ZFAND3: variants seen among roughly 807,000 people sequenced by gnomAD.
ZFAND3 encodes the protein AN1-type zinc finger protein 3.
Under a neutral mutation model 29.6 loss-of-function variants are expected in ZFAND3, and 10 were observed. The observed-to-expected ratio is 0.34, with a 90% CI of 0.21 to 0.57. The LOEUF is 0.57. ZFAND3 is among the 20% of genes least tolerant of loss of function. ZFAND3 has a pLI of 0.86. For synonymous variants in ZFAND3, 128 were observed against 112.6 expected (o/e 1.14, Z -0.87); for missense variants, 230 against 304.5 (o/e 0.76, Z 1.82).
chr6:37,847,275 C>A (rs1457776317), intron 1 of ZFAND3, among the ~76,000 whole-genome samples: 1 of 151,844 alleles, frequency 6.6e-6, no homozygotes, highest in African/African-American at 2.4e-5. Flanking sequence ...AACAAGTGCC[C>A]CCAAAAACCT....
intron 2 of ZFAND3, among the ~76,000 whole-genome samples, chr6:38,043,399 C>T (rs1168789216): frequency 6.7e-6 from 1 of 149,584 alleles, no homozygotes; most frequent in African/African-American, 2.5e-5. Context: ...CCTCTGCTCC[C>T]CTTCCCTCTC....
At chr6:37,958,139 T>C (rs944459806) in intron 2 of ZFAND3, among the ~76,000 whole-genome samples, 1 of 152,178 alleles carries the variant, frequency 6.6e-6, no homozygotes, top group African/African-American at 2.4e-5. Flanking sequence ...AAATTTTCAG[T>C]ACAAAAATAT....
At chr6:37,996,308 A>G (rs72850883) in intron 2 of ZFAND3, among the ~76,000 whole-genome samples, 1,773 of 152,286 alleles carry the variant, frequency 0.012, 13 homozygotes, top group Middle Eastern at 0.031. Context: ...TTATCTGATC[A>G]ACACATATAT....
At chr6:38,001,198 A>C (rs1345153861) in intron 2 of ZFAND3, among the ~76,000 whole-genome samples, 1 of 152,192 alleles carries the variant, frequency 6.6e-6, no homozygotes, top group Non-Finnish European at 1.5e-5. Flanking sequence ...CATTCTTTTA[A>C]ATAAGTTACT....
intron 3 of ZFAND3, among the ~76,000 whole-genome samples, chr6:38,062,913 CTT>C (rs1764270082): frequency 6.6e-6 from 1 of 150,554 alleles, no homozygotes; most frequent in Non-Finnish European, 1.5e-5. Flanking sequence ...TGGTGAGACT[CTT>C]GTCTCTACCA....
chr6:38,020,669 C>T (rs1050394448), intron 2 of ZFAND3, among the ~76,000 whole-genome samples: 1 of 152,196 alleles, frequency 6.6e-6, no homozygotes, highest in Non-Finnish European at 1.5e-5. Context: ...CTCCCCATTA[C>T]ACAGCCTGAT....
chr6:37,955,201 T>A (rs1762066701), intron 2 of ZFAND3, among the ~76,000 whole-genome samples: 1 of 152,062 alleles, frequency 6.6e-6, no homozygotes, highest in Non-Finnish European at 1.5e-5. Context: ...CCTTATCTAG[T>A]GTATTGAAAA....
intron 1 of ZFAND3, among the ~76,000 whole-genome samples, chr6:37,880,889 A>G (rs1764880497): frequency 6.7e-6 from 1 of 148,338 alleles, no homozygotes; most frequent in Non-Finnish European, 1.5e-5. Flanking sequence ...GAGGGATAGC[A>G]TTGGGAGATA....
intron 2 of ZFAND3, among the ~76,000 whole-genome samples, chr6:38,000,705 G>A (rs968914927): frequency 1.3e-5 from 2 of 152,036 alleles, no homozygotes; most frequent in African/African-American, 4.8e-5. Flanking sequence ...TTAGATCAAG[G>A]ATGCTAAACT....
intron 2 of ZFAND3, among the ~76,000 whole-genome samples, chr6:37,989,973 G>A (rs1035139297): frequency 6.6e-6 from 1 of 152,150 alleles, no homozygotes; most frequent in Non-Finnish European, 1.5e-5. Flanking sequence ...ATACCATAAC[G>A]GAGACGAGCC....
At chr6:38,095,790 G>T (rs1001968130) in intron 4 of ZFAND3, among the ~76,000 whole-genome samples, 1 of 152,124 alleles carries the variant, frequency 6.6e-6, no homozygotes, top group South Asian at 2.1e-4. Flanking sequence ...CCAGCACTTT[G>T]GGAGGTGGAG....
chr6:38,076,365 TTTA>T (rs1396843847), intron 3 of ZFAND3, among the ~76,000 whole-genome samples: 1 of 151,974 alleles, frequency 6.6e-6, no homozygotes, highest in East Asian at 1.9e-4. Context: ...CCATATTTGC[TTTA>T]TTACAGTGGT....
intron 4 of ZFAND3, among the ~76,000 whole-genome samples, chr6:38,113,037 C>T (rs188576859): frequency 1.3e-5 from 2 of 152,154 alleles, no homozygotes; most frequent in African/African-American, 4.8e-5. Context: ...TTTACCCTCG[C>T]TCTTGGTGGC....
intron 1 of ZFAND3, among the ~76,000 whole-genome samples, chr6:37,920,625 G>C (rs1316233345): frequency 2.6e-5 from 4 of 152,132 alleles, no homozygotes; most frequent in Non-Finnish European, 5.9e-5. Context: ...AATCTAAATT[G>C]TTACATTAAA....
chr6:37,847,523 G>A (rs1307496452), intron 1 of ZFAND3, among the ~76,000 whole-genome samples: 1 of 152,126 alleles, frequency 6.6e-6, no homozygotes, highest in Non-Finnish European at 1.5e-5. Flanking sequence ...GCAGTGAGCC[G>A]AGATCGCGCC....
chr6:37,850,436 G>A (rs1265998798), intron 1 of ZFAND3, among the ~76,000 whole-genome samples: 1 of 152,198 alleles, frequency 6.6e-6, no homozygotes, highest in East Asian at 1.9e-4. Flanking sequence ...CCTGCATGAG[G>A]ATGACACGTC....
intron 5 of ZFAND3, among the ~76,000 whole-genome samples, chr6:38,140,708 T>C (rs1765932550): frequency 6.6e-6 from 1 of 152,144 alleles, no homozygotes; most frequent in South Asian, 2.1e-4. Flanking sequence ...GAAGTCATCA[T>C]ATCTGAGCCC....
rs191314586 is a variant in ZFAND3 at position 38,005,595 on chromosome 6, T to C, written c.113-55998T>C. Among the ~76,000 whole-genome samples, 231 of 152,356 alleles carry C rather than the reference T, an allele frequency of 1.5e-3. 1 individual carries two copies. Among genetic ancestry groups the C allele is most frequent in the African/African-American group, 5.4e-3 (225 of 41,582 alleles). On this transcript the variant is annotated intron_variant, in intron 2 of 5. Transcript: ENST00000287218. ...GAGCACTTGGGCAAGTCATTTGAGC[T>C]ACCTGAGAGACTGTTTTTAGAATGA...
chr6:37,849,369 A>G (rs1244578933), intron 1 of ZFAND3, among the ~76,000 whole-genome samples: 4 of 152,148 alleles, frequency 2.6e-5, no homozygotes, highest in East Asian at 3.8e-4. Flanking sequence ...ATTGCGTCAT[A>G]TAATAGTTTG....
Sources: gnomAD v4.1 joint callset for allele counts (sites outside exome capture counted in the v4.1 genomes callset) on GRCh38, gnomAD v4.1.1 for gene constraint, MANE v1.5 for transcripts, NCBI Gene and HGNC (gene_info 2026-07-23, HGNC 2026-07-21) for gene names.